LRP3: variants seen among roughly 807,000 people sequenced by gnomAD.
The protein encoded by LRP3 is low-density lipoprotein receptor-related protein 3.
In LRP3, 49 loss-of-function variants were observed where a neutral mutation model predicts 58.5. That is an observed-to-expected ratio of 0.84 (90% CI 0.67 to 1.06). The LOEUF (loss-of-function observed/expected upper bound fraction) is 1.06. LRP3 is among the 50% of genes least tolerant of loss of function. The pLI, the probability that LRP3 is intolerant of heterozygous loss-of-function variation, is 0.00. For missense variants in LRP3, 1,019 were observed against 1,134.2 expected, an observed-to-expected ratio of 0.90 and a Z score of 1.46; for synonymous variants, 485 against 492.2, an observed-to-expected ratio of 0.99 and a Z score of 0.20.
rs755998649 is a variant in LRP3 at position 33,207,566 on chromosome 19, G to C, written c.2304G>C (p.Leu768Phe). 1.2e-6 allele frequency: 2 copies of C among 1,601,584 alleles called. No individual in the cohort carries two copies. Among genetic ancestry groups the C allele is most frequent in the South Asian group, 1.1e-5 (1 of 90,992 alleles). Reference protein sequence around the residue: ...MLEASDDEALLVC With the variant: ...MLEASDDEALFVC ...AGGCCAGCGATGATGAGGCCCTGTT[G>C]GTCTGTTGACCGCTGGGCTCGCTGG... The change falls in exon 7 of 7, where the codon TTG (leucine) becomes TTC (phenylalanine). Residue 768 changes from leucine (L) to phenylalanine (F), a missense_variant. Leu to Phe is a conservative substitution (Grantham distance 22, BLOSUM62 0). Around this residue, in one of 2 missense-constraint regions of LRP3, gnomAD observed 427 missense variants for 408.6 expected, o/e 1.04. Transcript: ENST00000253193.
At position 33,206,631 on chromosome 19, in the gene LRP3, G is replaced by A; in HGVS notation, c.1623G>A (p.Glu541=). The A allele has an allele frequency of 6.2e-7, 1 of 1,606,470 alleles. No homozygotes were observed. The highest frequency in any genetic ancestry group is 1.1e-5 in the South Asian group (1 of 90,296). ...TCGAGACCCAGATGACGCGCCTGGA[G>A]GCTGAGTTCGTGCGGCGGGAGGCAC... is the stretch of plus-strand genomic sequence containing the variant. ...RAFETQMTRL[E]AEFVRREAPP... is the part of the protein sequence containing the mutation. The change falls in exon 6 of 7, where the codon GAG becomes GAA. Residue 541 remains glutamate, a synonymous_variant. Coordinates refer to ENST00000253193, the MANE Select transcript of LRP3 (RefSeq NM_002333.4).
At chr19:33,199,559 C>T (rs1284373006) in intron 2 of LRP3, among the ~76,000 whole-genome samples, 1 of 152,134 alleles carries the variant, frequency 6.6e-6, no homozygotes, top group African/African-American at 2.4e-5. Context: ...CCCATCCCCT[C>T]TGCATGAGGC....
At chr19:33,205,119 G>C (rs567275759) in intron 4 of LRP3, 127 bp from the exon 5 acceptor site, 1 of 1,051,612 alleles carries the variant, frequency 9.5e-7, no homozygotes, top group South Asian at 1.5e-5. Context: ...AGCCCACCCT[G>C]GTGTTGGAGG....
intron 2 of LRP3, among the ~76,000 whole-genome samples, chr19:33,201,261 G>A (rs943722972): frequency 5.9e-5 from 9 of 152,222 alleles, no homozygotes; most frequent in Non-Finnish European, 8.8e-5. Context: ...GGGCTATCCC[G>A]GAGGGCTTCC....
Position 33,194,847 on chromosome 19 carries a change from T to C in LRP3, c.62T>C (p.Val21Ala). 1 of 1,055,060 alleles carries C rather than the reference T, an allele frequency of 9.5e-7. No individual in the cohort carries two copies. The highest frequency in any genetic ancestry group is 1.1e-6 in the Non-Finnish European group (1 of 877,550). 65.4% of individuals were successfully genotyped at this position (1,055,060 alleles called of 1,614,324 possible). A position where few individuals can be genotyped will look rare whatever the true frequency, so the allele number is the denominator to read the frequency against. ...CCGGGCGCCCGGGCGCAGCTGGCCG[T>C]CGTCTGTCTGGGTGAGTGGGCCGCG... ...GAPGARAQLAVVCLVNIFLTG... is the reference protein window; with the variant it reads ...GAPGARAQLAAVCLVNIFLTG... Residue 21 changes from valine (V) to alanine (A), a missense_variant, in exon 1 of 7, where the codon GTC becomes GCC. This residue lies in a region of LRP3 where 592 missense variants were observed against 725.5 expected (regional missense o/e 0.82). Coordinates refer to ENST00000253193, the MANE Select transcript of LRP3 (RefSeq NM_002333.4).
intron 1 of LRP3, 114 bp downstream of exon 1, chr19:33,194,972 T>A: frequency 2.6e-6 from 1 of 386,166 alleles, no homozygotes; most frequent in Non-Finnish European, 3.7e-6. Flanking sequence ...CCGCGGTGGC[T>A]CCCGCGCGGA....
rs1482293005 is a variant in LRP3 at position 33,206,826 on chromosome 19, G to A, written c.1725+93G>A. ...AGGGGTCACAGGAGCAGGAGGCAAG[G>A]CCTGCGCAGGGTGACCTGAGGGCCC... On this transcript the variant is annotated intron_variant, in intron 6 of 6. Transcript: ENST00000253193. 10 of 1,376,042 alleles carry A rather than the reference G, an allele frequency of 7.3e-6. No homozygotes were observed. In the East Asian group the frequency reaches 2.2e-4, roughly 30 times the overall value. The allele number at this position is 1,376,042 out of a possible 1,614,324, so 85.2% of individuals were successfully genotyped here.
Position 33,195,530 on chromosome 19 carries a change from C to T in LRP3, c.73+672C>T, listed in dbSNP as rs148583335. ...GGAGTTAAATCCCCAACCCACATGG[C>T]TCCTTTATTTACTGTGATGAAGGAG... On this transcript the variant is annotated intron_variant, in intron 1 of 6. Transcript: ENST00000253193. Among the ~76,000 whole-genome samples, 177 of 152,338 alleles carry T rather than the reference C, an allele frequency of 1.2e-3. 1 individual carries two copies. The highest frequency in any genetic ancestry group is 4.1e-3 in the African/African-American group (172 of 41,570).
At position 33,207,475 on chromosome 19, in the gene LRP3, G is replaced by C; in HGVS notation, c.2213G>C (p.Gly738Ala). 6.3e-7 allele frequency: 1 copy of C among 1,599,858 alleles called. No homozygotes were observed. Among genetic ancestry groups the C allele is most frequent in the Non-Finnish European group, 8.5e-7 (1 of 1,176,726 alleles). Residue 738 changes from glycine (G) to alanine (A), a missense_variant, in exon 7 of 7, where the codon GGC becomes GCC. Gly to Ala is a moderately conservative substitution (Grantham distance 60). Coordinates refer to ENST00000253193, the MANE Select transcript of LRP3 (RefSeq NM_002333.4). The part of the protein sequence containing the change: ...PQVSTASSTL[G>A]PHSPEPLGVC... Reference sequence around the variant, plus strand: ...GTCTCCACTGCCAGCAGCACCCTGGGCCCCCACTCGCCAGAGCCACTGGGG... The same window carrying C: ...GTCTCCACTGCCAGCAGCACCCTGGCCCCCCACTCGCCAGAGCCACTGGGG...
rs147754422 is a variant in LRP3 at position 33,205,385 on chromosome 19, C to G, written c.615C>G (p.Ser205=). ...SDEGNCSAPA[S]EPPGSLCPGG... The stretch of plus-strand genomic sequence containing the variant: ...AGGGCAACTGCTCGGCGCCCGCCTC[C>G]GAGCCTCCAGGCAGCCTGTGCCCCG... Residue 205 remains serine (S), a synonymous_variant, in exon 5 of 7, where the codon TCC becomes TCG. Transcript: ENST00000253193. The G allele has an allele frequency of 6.3e-7, 1 of 1,596,610 alleles. No homozygotes were observed. Among genetic ancestry groups the G allele is most frequent in the Admixed American group, 1.7e-5 (1 of 59,250 alleles).
intron 2 of LRP3, 28 bp from the exon 3 acceptor site, chr19:33,202,820 G>A (rs769208075): frequency 2.3e-5 from 37 of 1,583,776 alleles, no homozygotes; most frequent in Admixed American, 1.7e-4. Context: ...AAGATGGGCC[G>A]GCCTTTCTCG....
intron 3 of LRP3, among the ~76,000 whole-genome samples, chr19:33,203,436 T>C (rs762852085): frequency 1.1e-4 from 17 of 152,216 alleles, no homozygotes; most frequent in Admixed American, 2.6e-4. Context: ...AGCACATGTA[T>C]GTGCACGAGC....
Position 33,204,780 on chromosome 19 carries a change from G to T in LRP3, c.403G>T (p.Val135Phe), listed in dbSNP as rs1974381778. ...TGCCTTCATCTCTGCCCGCGACCAT[G>T]TCTGGATTTTCTTCCACTCAGACGC... ...PPAFISARDHVWIFFHSDASS... is the reference protein window; with the variant it reads ...PPAFISARDHFWIFFHSDASS... The change falls in exon 4 of 7, where the codon GTC becomes TTC. Residue 135 changes from valine to phenylalanine, a missense_variant. Val to Phe is a conservative substitution (Grantham distance 50, BLOSUM62 -1). Coordinates refer to ENST00000253193, the MANE Select transcript of LRP3 (RefSeq NM_002333.4). 1 of 1,613,476 alleles carries T rather than the reference G, an allele frequency of 6.2e-7. No individual in the cohort carries two copies. Among genetic ancestry groups the T allele is most frequent in the Non-Finnish European group, 8.5e-7 (1 of 1,179,992 alleles).
intron 1 of LRP3, among the ~76,000 whole-genome samples, chr19:33,195,764 GTAAC>G: frequency 6.6e-6 from 1 of 152,330 alleles, no homozygotes; most frequent in Non-Finnish European, 1.5e-5. Context: ...CATTGAGGGT[GTAAC>G]CCCAGCGCGC....
At chr19:33,206,801 A>AG in intron 6 of LRP3, 68 bp downstream of exon 6, 9 of 1,451,544 alleles carry the variant, frequency 6.2e-6, no homozygotes, top group Non-Finnish European at 8.2e-6. Context: ...AGGCTGGTCC[A>AG]GGGGTCACAG....
rs1974440736 is a variant in LRP3, at chr19:33,207,634, A to ATTTCTACCCTGCCTCTGCGTCC, written c.*65_*86dup. The ATTTCTACCCTGCCTCTGCGTCC allele has an allele frequency of 1.5e-6, 2 of 1,293,610 alleles. No individual in the cohort carries two copies. The highest frequency in any genetic ancestry group is 2.2e-6 in the Non-Finnish European group (2 of 913,922). The allele number at this position is 1,293,610 out of a possible 1,614,324, so 80.1% of individuals were successfully genotyped here. ...CTTTGTAACCAGGGAATACACAGTC[A>ATTTCTACCCTGCCTCTGCGTCC]TTTCTACCCTGCCTCTGCGTCCTTT... On this transcript the variant is annotated 3_prime_UTR_variant, in exon 7 of 7. Transcript: ENST00000253193.
intron 4 of LRP3, 112 bp from the exon 5 acceptor site, chr19:33,205,134 T>TA: frequency 1.7e-6 from 2 of 1,211,690 alleles, no homozygotes; most frequent in Non-Finnish European, 2.3e-6. Flanking sequence ...TGGAGGGGTC[T>TA]CTGCTGCCAC....
In LRP3 at chr19:33,205,919, G is replaced by A; in HGVS notation, c.1149G>A (p.Gly383=). ...GCGGGAGCAGTAGTGACAGTGACGG[G>A]GGCAGCCTGGGCGACCAGGGCTGCT... ...QPCGSSSDSD[G]GSLGDQGCFS... is the part of the protein sequence containing the mutation. The change falls in exon 5 of 7, where the codon GGG becomes GGA. Residue 383 remains glycine (G), a synonymous_variant. Transcript: ENST00000253193. 1 of 1,602,270 alleles carries A rather than the reference G, an allele frequency of 6.2e-7. No individual in the cohort carries two copies. Among genetic ancestry groups the A allele is most frequent in the Non-Finnish European group, 8.5e-7 (1 of 1,174,368 alleles).
intron 2 of LRP3, among the ~76,000 whole-genome samples, chr19:33,198,528 C>G (rs1298031422): frequency 6.6e-6 from 1 of 152,244 alleles, no homozygotes; most frequent in African/African-American, 2.4e-5. Flanking sequence ...AGAGCTTTCC[C>G]TGGGATTCCT....
Sources: allele counts gnomAD v4.1 joint callset (sites outside exome capture counted in the v4.1 genomes callset), GRCh38; gene constraint gnomAD v4.1.1; regional missense constraint gnomAD v4.1.1; transcripts MANE v1.5; gene names NCBI Gene and HGNC (gene_info 2026-07-23, HGNC 2026-07-21).